TENM3: variants seen among roughly 807,000 people sequenced by gnomAD.
TENM3 encodes the protein teneurin-3.
In TENM3, 63 loss-of-function variants were observed where a neutral mutation model predicts 255.1. The ratio of observed to expected loss-of-function variants is 0.25; its 90% CI spans 0.20 to 0.30. TENM3 has a LOEUF of 0.30. Among genes scored for constraint, TENM3 ranks in the 10% least tolerant of loss-of-function variants. The pLI, the probability that TENM3 is intolerant of heterozygous loss-of-function variation, is 1.00. For synonymous variants in TENM3, 1,306 were observed against 1,322.3 expected, an observed-to-expected ratio of 0.99 and a Z score of 0.27; for missense variants, 2,929 against 3,461.1, an observed-to-expected ratio of 0.85 and a Z score of 3.86.
the TENM3 span, among the ~76,000 whole-genome samples, chr4:181,991,833 C>T: frequency 6.6e-6 from 1 of 152,074 alleles, no homozygotes; most frequent in Non-Finnish European, 1.5e-5. Context: ...TTCAACCCCA[C>T]CCCTATTTTT....
chr4:182,552,429 C>T (rs1742142536), intron 3 of TENM3, among the ~76,000 whole-genome samples: 1 of 152,196 alleles, frequency 6.6e-6, no homozygotes. Context: ...TTGTTTCCTA[C>T]CCTCCAGGAT....
intron 1 of TENM3, among the ~76,000 whole-genome samples, chr4:182,235,755 A>G (rs1756859063): frequency 6.6e-6 from 1 of 152,168 alleles, no homozygotes; most frequent in Admixed American, 6.5e-5. Context: ...ACCCAATGAG[A>G]TACAAAAACC....
intron 3 of TENM3, among the ~76,000 whole-genome samples, chr4:182,488,687 G>A (rs1194273354): frequency 6.6e-6 from 1 of 152,118 alleles, no homozygotes; most frequent in Non-Finnish European, 1.5e-5. Flanking sequence ...ACAACTGAAA[G>A]CCTAATGTCA....
the TENM3 span, among the ~76,000 whole-genome samples, chr4:182,101,104 GAGGAAGGAAAGA>G: frequency 1.3e-3 from 15 of 11,678 alleles, no homozygotes; most frequent in African/African-American, 3.1e-3. Context: ...GGGAGGGAGG[GAGGAAGGAAAGA>G]AGGAAGGAAA....
chr4:181,981,269 G>T, the TENM3 span, among the ~76,000 whole-genome samples: 1 of 152,056 alleles, frequency 6.6e-6, no homozygotes, highest in Non-Finnish European at 1.5e-5. Flanking sequence ...GTTAACTAAC[G>T]AATTTTTGCA....
intron 3 of TENM3, chr4:182,448,968 C>G: frequency 2.5e-6 from 1 of 395,388 alleles, no homozygotes; most frequent in Non-Finnish European, 5.1e-6. Flanking sequence ...GTCTGGCCGC[C>G]GCGCGCAGCC....
At chr4:182,040,468 T>C in the TENM3 span, among the ~76,000 whole-genome samples, 1 of 152,174 alleles carries the variant, frequency 6.6e-6, no homozygotes, top group Non-Finnish European at 1.5e-5. Flanking sequence ...TCTCAGTTAG[T>C]GGCTTACACA....
At chr4:181,879,170 C>T in the TENM3 span, among the ~76,000 whole-genome samples, 267 of 152,180 alleles carry the variant, frequency 1.8e-3, no homozygotes, top group Non-Finnish European at 3.0e-3. Context: ...GGTCAACCTA[C>T]AGAAATCAAC....
chr4:182,788,051 G>T (rs936050196), intron 24 of TENM3, among the ~76,000 whole-genome samples: 1 of 152,120 alleles, frequency 6.6e-6, no homozygotes, highest in South Asian at 2.1e-4. Context: ...GTGAGTGGTT[G>T]TGTGTGTGTG....
chr4:182,156,145 T>TCGC (rs1282397614), intron 1 of TENM3, among the ~76,000 whole-genome samples: 1 of 151,932 alleles, frequency 6.6e-6, no homozygotes. Flanking sequence ...CATGGATGAA[T>TCGC]CTATTAGTTT....
At chr4:181,697,371 G>T in the TENM3 span, among the ~76,000 whole-genome samples, 1 of 151,698 alleles carries the variant, frequency 6.6e-6, no homozygotes, top group Non-Finnish European at 1.5e-5. Flanking sequence ...CCATTTCCTG[G>T]TGGGTTTTTT....
At chr4:182,434,002 T>C (rs1447820853) in intron 3 of TENM3, among the ~76,000 whole-genome samples, 2 of 152,122 alleles carry the variant, frequency 1.3e-5, no homozygotes, top group African/African-American at 4.8e-5. Context: ...TAGTCCCTGC[T>C]GCTCGGGAGA....
intron 1 of TENM3, among the ~76,000 whole-genome samples, chr4:182,205,675 A>G (rs1014397304): frequency 1.3e-5 from 2 of 152,294 alleles, no homozygotes; most frequent in African/African-American, 4.8e-5. Context: ...GTTTTCCAGT[A>G]GACAACTCCA....
chr4:182,580,262 C>G (rs1745353641), intron 3 of TENM3, among the ~76,000 whole-genome samples: 1 of 151,936 alleles, frequency 6.6e-6, no homozygotes, highest in African/African-American at 2.4e-5. Context: ...TGGTTCTTTC[C>G]TTTTCTTTTG....
At chr4:181,846,032 A>G in the TENM3 span, among the ~76,000 whole-genome samples, 2 of 152,140 alleles carry the variant, frequency 1.3e-5, no homozygotes, top group Non-Finnish European at 2.9e-5. Context: ...GAACTCTCTC[A>G]TGTGCATGCT....
In TENM3 at chr4:182,756,638, A is replaced by G. The variant is rs540479746; in HGVS notation, c.4892+1379A>G. Among the ~76,000 whole-genome samples the G allele has an allele frequency of 2.6e-5, 4 of 152,294 alleles. No homozygotes were observed. The South Asian group carries it at 8.3e-4, about 32-fold the overall frequency. On this transcript the variant is annotated intron_variant, in intron 22 of 27. Transcript: ENST00000511685. ...CTGAAATTATCATAAAAGTCAGTAG[A>G]AAAAATGACTCAATATACAAATATT... is the stretch of plus-strand genomic sequence containing the variant.
chr4:181,614,997 C>T, the TENM3 span, among the ~76,000 whole-genome samples: 1 of 152,124 alleles, frequency 6.6e-6, no homozygotes, highest in Non-Finnish European at 1.5e-5. Flanking sequence ...TTTTATTTCT[C>T]TTTTGGAAAT....
the TENM3 span, among the ~76,000 whole-genome samples, chr4:181,724,212 T>C: frequency 6.6e-6 from 1 of 152,210 alleles, no homozygotes; most frequent in East Asian, 1.9e-4. Context: ...AAATGATTTG[T>C]TTTTCTGATT....
chr4:181,565,154 ACAGT>A, the TENM3 span, among the ~76,000 whole-genome samples: 1 of 152,178 alleles, frequency 6.6e-6, no homozygotes, highest in East Asian at 1.9e-4. Context: ...GATTTTTGTT[ACAGT>A]CAAATAATTC....
Sources: gnomAD v4.1 joint callset for allele counts (sites outside exome capture counted in the v4.1 genomes callset) on GRCh38, gnomAD v4.1.1 for gene constraint, MANE v1.5 for transcripts, NCBI Gene and HGNC (gene_info 2026-07-23, HGNC 2026-07-21) for gene names.